Variants in SH3KBP1 observed in about 807,000 individuals in gnomAD.
The protein encoded by SH3KBP1 is SH3 domain-containing kinase-binding protein 1.
A neutral mutation model predicts 50.1 loss-of-function variants in SH3KBP1; 8 were observed. The observed-to-expected ratio is 0.16, with a 90% confidence interval of 0.09 to 0.29. The LOEUF (loss-of-function observed/expected upper bound fraction) is 0.29, where lower values mean the gene tolerates loss of function less well. Among genes scored for constraint, SH3KBP1 ranks in the 10% least tolerant of loss-of-function variants. The pLI is 1.00. For synonymous variants in SH3KBP1, 227 were observed against 218.6 expected (o/e 1.04, Z -0.34); for missense variants, 377 against 535.2 (o/e 0.70, Z 2.92).
intron 1 of SH3KBP1, among the ~76,000 whole-genome samples, chrX:19,879,544 C>T (rs1214557962): frequency 2.7e-5 from 3 of 111,920 alleles, no homozygotes; most frequent in African/African-American, 9.8e-5. Flanking sequence ...CATAAAAGCA[C>T]ATCCCAATAG....
At chrX:19,757,305 A>G (rs2065238320) in intron 2 of SH3KBP1, among the ~76,000 whole-genome samples, 1 of 109,994 alleles carries the variant, frequency 9.1e-6, no homozygotes, top group African/African-American at 3.3e-5. Context: ...ATGAAAAACT[A>G]CATGCCTACC....
chrX:19,629,240 G>A (rs1459866607), intron 8 of SH3KBP1, among the ~76,000 whole-genome samples: 1 of 111,389 alleles, frequency 9.0e-6, no homozygotes, highest in Non-Finnish European at 1.9e-5. Flanking sequence ...GGGGGTACCT[G>A]CAGAACAGCC....
At chrX:19,842,359 C>T (rs757318969) in intron 1 of SH3KBP1, among the ~76,000 whole-genome samples, 1 of 110,750 alleles carries the variant, frequency 9.0e-6, no homozygotes, top group South Asian at 3.8e-4. Flanking sequence ...AACCCTGTCT[C>T]TACTAAAAAT....
Position 19,542,130 on chromosome X carries a change from G to C in SH3KBP1, c.1687C>G (p.Pro563Ala). The change falls in exon 16 of 18, where the codon CCA becomes GCA. Residue 563 changes from proline to alanine, a missense_variant. This residue lies in a region of SH3KBP1 where 110 missense variants were observed against 124.1 expected (regional missense o/e 0.89). Transcript: ENST00000397821. ...PGTMAAGGGGPAPLSSAAPSP... is the reference protein window; with the variant it reads ...PGTMAAGGGGAAPLSSAAPSP... ...GGCGCCGCTGAGGACAGAGGGGCTG[G>C]CCCACCGCCACCTGCTGCCATGGTC... is the stretch of plus-strand genomic sequence containing the variant. The C allele has an allele frequency of 8.3e-7, 1 of 1,200,959 alleles. No individual in the cohort carries two copies.
intron 3 of SH3KBP1, among the ~76,000 whole-genome samples, chrX:19,743,451 G>C (rs1421352295): frequency 9.2e-6 from 1 of 108,929 alleles, no homozygotes; most frequent in African/African-American, 3.3e-5. Context: ...AAGAAAGAAA[G>C]AAAGAAAGAA....
At chrX:19,721,357 C>T (rs577298089) in intron 3 of SH3KBP1, among the ~76,000 whole-genome samples, 1 of 111,659 alleles carries the variant, frequency 9.0e-6, no homozygotes, top group East Asian at 2.8e-4. Context: ...GTACTAGCAG[C>T]ATCTATGAAA....
intron 2 of SH3KBP1, among the ~76,000 whole-genome samples, chrX:19,809,814 T>C (rs2067156864): frequency 8.9e-6 from 1 of 111,775 alleles, no homozygotes; most frequent in Admixed American, 9.5e-5. Flanking sequence ...TAACCAAACA[T>C]CTTAAACCTT....
chrX:19,594,160 C>G (rs1043383037), intron 10 of SH3KBP1, among the ~76,000 whole-genome samples: 2 of 111,115 alleles, frequency 1.8e-5, no homozygotes, highest in Non-Finnish European at 3.8e-5. Flanking sequence ...CTAAAAATAC[C>G]CTTTCTCTTC....
In SH3KBP1 at chrX:19,665,234, G is replaced by C. The variant is rs193191062; in HGVS notation, c.726+18589C>G. On this transcript the variant is annotated intron_variant, in intron 6 of 17. Coordinates refer to ENST00000397821, the MANE Select transcript of SH3KBP1 (RefSeq NM_031892.3). ...AGTAAAAGAAGAAAAAGAAAATGAG[G>C]CAGTAAATCCATCTTTAGCATTTCT... 2.4e-3 allele frequency among the ~76,000 whole-genome samples: 273 copies of C among 112,013 alleles called. 2 individuals carry two copies. Among genetic ancestry groups the C allele is most frequent in the Non-Finnish European group, 2.4e-3 (127 of 53,135 alleles).
chrX:19,669,325 A>ATTATT (rs1569405574), intron 6 of SH3KBP1, among the ~76,000 whole-genome samples: 18 of 102,546 alleles, frequency 1.8e-4, no homozygotes, highest in African/African-American at 6.5e-4. Context: ...TAATAATAAT[A>ATTATT]ATTATTATTA....
At chrX:19,584,585 G>A (rs1304783181) in intron 12 of SH3KBP1, among the ~76,000 whole-genome samples, 1 of 109,968 alleles carries the variant, frequency 9.1e-6, no homozygotes, top group East Asian at 2.8e-4. Flanking sequence ...CTTCCACCTT[G>A]GTCTCCTAAA....
At chrX:19,824,035 G>A (rs902356491) in intron 2 of SH3KBP1, among the ~76,000 whole-genome samples, 1 of 110,900 alleles carries the variant, frequency 9.0e-6, no homozygotes, top group Admixed American at 9.6e-5. Flanking sequence ...GGCCAGTCTG[G>A]TCTCGAACTT....
chrX:19,674,385 G>T (rs945318245), intron 6 of SH3KBP1, among the ~76,000 whole-genome samples: 11 of 111,861 alleles, frequency 9.8e-5, no homozygotes, highest in Non-Finnish European at 2.1e-4. Context: ...ACAAATCCCA[G>T]AGATACCACT....
intron 6 of SH3KBP1, among the ~76,000 whole-genome samples, chrX:19,654,394 A>G (rs1364571544): frequency 2.7e-5 from 3 of 111,751 alleles, no homozygotes; most frequent in Non-Finnish European, 5.6e-5. Context: ...AAACCTACTC[A>G]TGTGCTAAAT....
intron 7 of SH3KBP1, among the ~76,000 whole-genome samples, chrX:19,635,075 C>A (rs1602743883): frequency 9.0e-6 from 1 of 111,552 alleles, no homozygotes; most frequent in South Asian, 3.8e-4. Context: ...CCAAACCCGG[C>A]AACCATTAGC....
chrX:19,680,065 C>G (rs1238890445), intron 6 of SH3KBP1, among the ~76,000 whole-genome samples: 2 of 111,462 alleles, frequency 1.8e-5, no homozygotes, highest in East Asian at 2.8e-4. Context: ...CTGACTCAGA[C>G]AAGTGGATCT....
At chrX:19,840,738 G>A (rs1431165457) in intron 1 of SH3KBP1, among the ~76,000 whole-genome samples, 6 of 112,518 alleles carry the variant, frequency 5.3e-5, no homozygotes, top group African/African-American at 1.9e-4. Context: ...CTCTGGGTAT[G>A]AGCAGAAAAT....
intron 12 of SH3KBP1, among the ~76,000 whole-genome samples, chrX:19,576,961 C>T (rs1431673783): frequency 8.9e-6 from 1 of 112,178 alleles, no homozygotes; most frequent in Admixed American, 9.4e-5. Flanking sequence ...CTCAGCCCAA[C>T]ATGGGATGAC....
At chrX:19,553,968 T>TATATATTAAAATATAATATATA in intron 13 of SH3KBP1, among the ~76,000 whole-genome samples, 2 of 64,751 alleles carry the variant, frequency 3.1e-5, no homozygotes, top group Non-Finnish European at 4.9e-5. Context: ...TAATATATAA[T>TATATATTAAAATATAATATATA]ATATATTAAA....
Sources: allele counts gnomAD v4.1 joint callset (sites outside exome capture counted in the v4.1 genomes callset), GRCh38; gene constraint gnomAD v4.1.1; regional missense constraint gnomAD v4.1.1; transcripts MANE v1.5; gene names NCBI Gene and HGNC (gene_info 2026-07-23, HGNC 2026-07-21).